The following DLEU7 variants were observed in gnomAD, a reference collection of about 807,000 sequenced individuals.
DLEU7 encodes deleted in lymphocytic leukemia 7.
A neutral mutation model predicts 16.0 loss-of-function variants in DLEU7; 17 were observed. That is an observed-to-expected ratio of 1.06 (90% CI 0.73 to 1.59). The LOEUF (loss-of-function observed/expected upper bound fraction) is 1.59, where lower values mean the gene tolerates loss of function less well. Among genes scored for constraint, DLEU7 ranks in the 40% most tolerant of loss-of-function variants. The probability of loss-of-function intolerance (pLI) is 0.00; values close to 1 mark genes in which losing one functional copy is unlikely to be tolerated. For missense variants in DLEU7, 308 were observed against 314.9 expected (o/e 0.98, Z 0.17); for synonymous variants, 113 against 139.8 (o/e 0.81, Z 1.35).
At position 50,843,513 on chromosome 13, in the gene DLEU7, T is replaced by C; in HGVS notation, c.134A>G (p.His45Arg). 2 of 1,410,728 alleles carry C rather than the reference T, an allele frequency of 1.4e-6. No individual in the cohort carries two copies. Among genetic ancestry groups the C allele is most frequent in the Non-Finnish European group, 1.8e-6 (2 of 1,093,256 alleles). The allele number at this position is 1,410,728 out of a possible 1,614,324, so 87.4% of individuals were successfully genotyped here. ...GCGACGGGCTGGAGCGGTGGACACG[T>C]GGTCTGGGTCCCGCGGGTTCCCGGG... The part of the protein sequence containing the change: ...VAPGNPRDPD[H>R]VSTAPARRSG... Residue 45 changes from histidine (H) to arginine (R), a missense_variant, in exon 1 of 2, where the codon CAC becomes CGC. Coordinates refer to ENST00000504404, the MANE Select transcript of DLEU7 (RefSeq NM_001306135.2). The surrounding 1 kb of genome is among the most constrained non-coding windows in gnomAD (Gnocchi z 5.7).
chr13:50,725,590 G>A (rs2761839), intron 1 of DLEU7, among the ~76,000 whole-genome samples: 77,582 of 151,866 alleles, frequency 0.51, 21,121 homozygotes, highest in African/African-American at 0.7. Flanking sequence ...AAGTGAGCCC[G>A]TGTAGCATAA....
In DLEU7 at chr13:50,757,986, A is replaced by T. The variant is rs1205450126; in HGVS notation, c.460-44746T>A. 2.7e-5 allele frequency among the ~76,000 whole-genome samples: 4 copies of T among 149,602 alleles called. No homozygotes were observed. The East Asian group carries it at 8.0e-4, about 30-fold the overall frequency. On this transcript the variant is annotated intron_variant, in intron 1 of 1. Coordinates refer to the DLEU7 transcript ENST00000400393. Reference sequence around the variant, plus strand: ...ATATGGTAAGTGTGAAATATATTTTATACCTAACTTGGTCCCCAGTATTAT... The same window carrying T: ...ATATGGTAAGTGTGAAATATATTTTTTACCTAACTTGGTCCCCAGTATTAT...
chr13:50,818,512 C>G (rs1259369327), downstream of DLEU7: 1 of 152,144 alleles, frequency 6.6e-6, no homozygotes, highest in Non-Finnish European at 1.5e-5. Context: ...AGCTGTTAAC[C>G]TGTTCTAGGC....
intron 1 of DLEU7, among the ~76,000 whole-genome samples, chr13:50,801,386 T>C (rs1177648008): frequency 6.6e-6 from 1 of 152,134 alleles, no homozygotes; most frequent in East Asian, 1.9e-4. Flanking sequence ...AGCACGGAGC[T>C]GTTGTTCATA....
intron 1 of DLEU7, among the ~76,000 whole-genome samples, chr13:50,834,566 A>G (rs914114973): frequency 5.3e-5 from 8 of 152,216 alleles, no homozygotes; most frequent in African/African-American, 1.9e-4. Flanking sequence ...GTATGTGGAG[A>G]AATAGGAATG....
At chr13:50,731,017 T>C (rs1423435245) in intron 1 of DLEU7, among the ~76,000 whole-genome samples, 3 of 152,194 alleles carry the variant, frequency 2.0e-5, no homozygotes, top group Non-Finnish European at 4.4e-5. Context: ...GTACCCCTGA[T>C]TGGTCCCCTC....
intron 1 of DLEU7, among the ~76,000 whole-genome samples, chr13:50,720,784 G>A (rs918218969): frequency 3.9e-5 from 6 of 152,014 alleles, no homozygotes; most frequent in Non-Finnish European, 8.8e-5. Flanking sequence ...TTATAGAAAA[G>A]GTGAGCAAAT....
At chr13:50,808,153 A>T (rs987181132) in intron 1 of DLEU7, among the ~76,000 whole-genome samples, 30 of 152,218 alleles carry the variant, frequency 2.0e-4, no homozygotes, top group African/African-American at 7.2e-4. Flanking sequence ...AGGCAAAAAA[A>T]CATTAATCAG....
chr13:50,820,170 CAA>C (rs1876853828), downstream of DLEU7, among the ~76,000 whole-genome samples: 1 of 151,932 alleles, frequency 6.6e-6, no homozygotes, highest in South Asian at 2.1e-4. Context: ...GGAGTCTTGA[CAA>C]GAGAAGTTTT....
intron 1 of DLEU7, among the ~76,000 whole-genome samples, chr13:50,769,797 AAGT>A (rs1292404981): frequency 6.6e-6 from 1 of 152,138 alleles, no homozygotes; most frequent in Non-Finnish European, 1.5e-5. Flanking sequence ...TATAACTTTA[AAGT>A]AGTTTTTTCC....
intron 1 of DLEU7, among the ~76,000 whole-genome samples, chr13:50,784,331 A>G (rs952909571): frequency 2.0e-5 from 3 of 152,226 alleles, no homozygotes; most frequent in Admixed American, 1.3e-4. Flanking sequence ...AAGTGATGGA[A>G]AAATGCAGCT....
chr13:50,737,984 G>A lies in DLEU7; in HGVS notation c.460-24744C>T, dbSNP rs117668309. Among the ~76,000 whole-genome samples the A allele has an allele frequency of 6.1e-3, 923 of 152,186 alleles. 7 individuals are homozygous for A. The highest frequency in any genetic ancestry group is 9.6e-3 in the Non-Finnish European group (656 of 67,986). ...GAAGCAATTTAAAAGTGTTACTCCA[G>A]TAAACACACGAATGATAAGAAAGTG... On this transcript the variant is annotated intron_variant, in intron 1 of 1. Transcript: ENST00000400393.
chr13:50,806,305 G>T (rs978539039), intron 1 of DLEU7, among the ~76,000 whole-genome samples: 1 of 152,066 alleles, frequency 6.6e-6, no homozygotes, highest in Non-Finnish European at 1.5e-5. Flanking sequence ...AATATTCCAA[G>T]AAATTATTTT....
At chr13:50,724,381 G>A (rs1321235799) in intron 1 of DLEU7, among the ~76,000 whole-genome samples, 1 of 151,778 alleles carries the variant, frequency 6.6e-6, no homozygotes, top group Non-Finnish European at 1.5e-5. Context: ...TTATCCCTGG[G>A]GCTCCCAGGC....
At chr13:50,743,906 A>G (rs1402144413) in intron 1 of DLEU7, among the ~76,000 whole-genome samples, 1 of 152,062 alleles carries the variant, frequency 6.6e-6, no homozygotes, top group Non-Finnish European at 1.5e-5. Context: ...TTATGAAGCT[A>G]TTGTCTTTTT....
intron 1 of DLEU7, among the ~76,000 whole-genome samples, chr13:50,734,100 C>T (rs1593533134): frequency 6.6e-6 from 1 of 152,172 alleles, no homozygotes; most frequent in South Asian, 2.1e-4. Context: ...AATTTTTGAA[C>T]AAGGAGTTCC....
intron 1 of DLEU7, among the ~76,000 whole-genome samples, chr13:50,753,456 G>A (rs1409124446): frequency 1.3e-5 from 2 of 152,232 alleles, no homozygotes; most frequent in African/African-American, 4.8e-5. Flanking sequence ...CTGCCCCGTG[G>A]GAAGGCAGCT....
chr13:50,833,566 C>A (rs1312125383), intron 1 of DLEU7, among the ~76,000 whole-genome samples: 1 of 152,186 alleles, frequency 6.6e-6, no homozygotes, highest in Admixed American at 6.5e-5. Flanking sequence ...GAAAAACATT[C>A]CATGCTCATG....
downstream of DLEU7, among the ~76,000 whole-genome samples, chr13:50,817,984 T>C (rs1316246459): frequency 2.6e-5 from 4 of 152,132 alleles, no homozygotes; most frequent in Non-Finnish European, 5.9e-5. Context: ...GTCCCCAACT[T>C]TTATTCTATA....
Sources: allele counts gnomAD v4.1 joint callset (sites outside exome capture counted in the v4.1 genomes callset), GRCh38; gene constraint gnomAD v4.1.1; non-coding constraint Gnocchi (gnomAD v3.1); transcripts MANE v1.5; gene names NCBI Gene and HGNC (gene_info 2026-07-23, HGNC 2026-07-21).